The following SMAD3 variants were observed in gnomAD, a reference collection of about 807,000 sequenced individuals.
The protein encoded by SMAD3 is SMAD family member 3, also known as MAD homolog 3.
In SMAD3, 12 loss-of-function variants were observed where a neutral mutation model predicts 51.8. The observed-to-expected ratio is 0.23, with a 90% confidence interval of 0.15 to 0.38. The LOEUF is 0.38. Among genes scored for constraint, SMAD3 ranks in the 10% least tolerant of loss-of-function variants. The probability of loss-of-function intolerance (pLI) is 1.00; values close to 1 mark genes in which losing one functional copy is unlikely to be tolerated. For synonymous variants in SMAD3, 238 were observed against 227.7 expected (o/e 1.05, Z -0.41); for missense variants, 294 against 565.6 (o/e 0.52, Z 4.87).
Position 67,170,168 on chromosome 15 carries a change from T to A in SMAD3, c.608-386T>A, listed in dbSNP as rs544936131. ...CAGCTTGGGAGAAGGGCTTCCCTGCTCCTCTCATTTTCCTGAGGGCATAGT... is the reference window on the plus strand; with the variant it reads ...CAGCTTGGGAGAAGGGCTTCCCTGCACCTCTCATTTTCCTGAGGGCATAGT... On this transcript the variant is annotated intron_variant, in intron 4 of 8. Transcript: ENST00000327367. Among the ~76,000 whole-genome samples, 5 of 152,292 alleles carry A rather than the reference T, an allele frequency of 3.3e-5. 1 individual carries two copies. In the South Asian group the frequency reaches 1.0e-3, roughly 32 times the overall value.
chr15:67,125,531 C>G (rs978826023), intron 1 of SMAD3, among the ~76,000 whole-genome samples: 2 of 152,230 alleles, frequency 1.3e-5, no homozygotes, highest in African/African-American at 4.8e-5. Context: ...CCGGTGGGAA[C>G]AGAATGATAG....
chr15:67,127,306 G>C (rs28393936), intron 1 of SMAD3, among the ~76,000 whole-genome samples: 1 of 152,148 alleles, frequency 6.6e-6, no homozygotes, highest in African/African-American at 2.4e-5. Flanking sequence ...GCCTCCCCCT[G>C]TAAAAAAGGA....
chr15:67,183,062 G>A (rs1167017459), intron 6 of SMAD3, among the ~76,000 whole-genome samples: 2 of 107,964 alleles, frequency 1.9e-5, no homozygotes, highest in Admixed American at 1.1e-4. Flanking sequence ...GGAGCGGGGA[G>A]ACCAAGTCTC....
At chr15:67,164,863 C>G (rs762818552) in intron 1 of SMAD3, 32 bp from the exon 2 acceptor site, 1 of 1,609,106 alleles carries the variant, frequency 6.2e-7, no homozygotes, top group African/African-American at 1.3e-5. Flanking sequence ...ATCCACATTT[C>G]CCTCTCTTTC....
intron 1 of SMAD3, among the ~76,000 whole-genome samples, chr15:67,067,779 G>C (rs1959961236): frequency 6.6e-6 from 1 of 152,132 alleles, no homozygotes; most frequent in South Asian, 2.1e-4. Context: ...AAGTCTCTGG[G>C]CGTGTGATCG....
chr15:67,156,781 CA>C (rs1962293681), intron 1 of SMAD3, among the ~76,000 whole-genome samples: 1 of 131,996 alleles, frequency 7.6e-6, no homozygotes, highest in Non-Finnish European at 1.5e-5. Context: ...TTTCTGGGCC[CA>C]GCCTATGGGG....
intron 1 of SMAD3, among the ~76,000 whole-genome samples, chr15:67,163,760 G>A (rs1962493534): frequency 6.6e-6 from 1 of 151,990 alleles, no homozygotes; most frequent in African/African-American, 2.4e-5. Context: ...AGAAGACATG[G>A]TTCACACAGG....
rs112991343 is a variant in SMAD3, at chr15:67,166,190, G to A, written c.533-589G>A. 1.4e-3 allele frequency: 1,464 copies of A among 1,012,398 alleles called. 9 individuals carry two copies. Among genetic ancestry groups the A allele is most frequent in the African/African-American group, 0.013 (771 of 58,296 alleles). The allele number at this position is 1,012,398 out of a possible 1,614,324, so 62.7% of individuals were successfully genotyped here. A position where few individuals can be genotyped will look rare whatever the true frequency, so the allele number is the denominator to read the frequency against. On this transcript the variant is annotated intron_variant, in intron 3 of 8. Transcript: ENST00000327367. ...CCTTTGCGGGTAGCCCTGGCGTCCC[G>A]CGGGTAAGTCAACTACTCCCTGTTC...
intron 1 of SMAD3, among the ~76,000 whole-genome samples, chr15:67,126,659 C>T (rs1001195836): frequency 1.3e-5 from 2 of 152,204 alleles, no homozygotes; most frequent in Admixed American, 1.3e-4. Context: ...CCTTTCCTGT[C>T]TTGTCCACAC....
At chr15:67,158,986 C>CT (rs1361179988) in intron 1 of SMAD3, among the ~76,000 whole-genome samples, 2 of 152,108 alleles carry the variant, frequency 1.3e-5, no homozygotes, top group South Asian at 2.1e-4. Context: ...TCATATATCT[C>CT]TTTTTTTAAA....
chr15:67,129,273 T>C (rs554687790), intron 1 of SMAD3, among the ~76,000 whole-genome samples: 6 of 152,168 alleles, frequency 3.9e-5, no homozygotes, highest in Admixed American at 6.5e-5. Context: ...CTCAGGTTTG[T>C]TTAGCCTTCT....
intron 1 of SMAD3, among the ~76,000 whole-genome samples, chr15:67,099,654 A>G (rs181522793): frequency 1.5e-3 from 228 of 152,334 alleles, no homozygotes; most frequent in South Asian, 5.4e-3. Flanking sequence ...CCTCCAGCCT[A>G]TTGATTCCCA....
At chr15:67,179,855 A>G (rs1472528714) in intron 5 of SMAD3, among the ~76,000 whole-genome samples, 7 of 150,898 alleles carry the variant, frequency 4.6e-5, no homozygotes, top group Admixed American at 2.6e-4. Context: ...CTGAGGAGGA[A>G]CCCTCAGCCC....
rs1819011641 is a variant in SMAD3 at position 67,184,981 on chromosome 15, T to C, written c.1009+117T>C. On this transcript the variant is annotated intron_variant, in intron 7 of 8. Coordinates refer to ENST00000327367, the MANE Select transcript of SMAD3 (RefSeq NM_005902.4). ...TGCTCACTCATGATTGCGTTGTCAA[T>C]CTGGAGGTGATTGGATTAGGTTTTC... 8 of 1,337,136 alleles carry C rather than the reference T, an allele frequency of 6.0e-6. No homozygotes were observed. In the Admixed American group the frequency reaches 1.2e-4, roughly 21 times the overall value. The allele number at this position is 1,337,136 out of a possible 1,614,324, so 82.8% of individuals were successfully genotyped here.
intron 1 of SMAD3, among the ~76,000 whole-genome samples, chr15:67,073,150 T>G (rs1353032859): frequency 1.3e-5 from 2 of 152,214 alleles, no homozygotes; most frequent in Non-Finnish European, 2.9e-5. Context: ...CCCCAAGCTC[T>G]GCAGTTTATT....
At position 67,164,316 on chromosome 15, in the gene SMAD3, GAAAAAAAAAAA is replaced by G. The variant is rs59880604; in HGVS notation, c.207-560_207-550del. ...GGCAACAGAGCGAGACTCCGTCTCA[GAAAAAAAAAAA>G]AAAAAAAAAAAAAAAAAAGAGGAGG... On this transcript the variant is annotated intron_variant, in intron 1 of 8. Transcript: ENST00000327367. Among the ~76,000 whole-genome samples, 256 of 83,640 alleles carry G rather than the reference GAAAAAAAAAAA, an allele frequency of 3.1e-3. No individual in the cohort carries two copies. The East Asian group carries it at 0.033, about 11-fold the overall frequency. The allele number at this position is 83,640 out of a possible 152,430, so 54.9% of individuals were successfully genotyped here.
At chr15:67,126,543 C>T (rs1184836435) in intron 1 of SMAD3, among the ~76,000 whole-genome samples, 1 of 152,138 alleles carries the variant, frequency 6.6e-6, no homozygotes, top group East Asian at 1.9e-4. Context: ...TCCAACTTCC[C>T]CCTCAGACAT....
At chr15:67,181,584 C>T in intron 6 of SMAD3, 131 bp downstream of exon 6, 1 of 801,296 alleles carries the variant, frequency 1.2e-6, no homozygotes, top group East Asian at 2.7e-5. Context: ...CTGCCTCCTG[C>T]TGGGCATGGG....
chr15:67,098,995 G>C (rs1960686549), intron 1 of SMAD3: 1 of 702,424 alleles, frequency 1.4e-6, no homozygotes, highest in Non-Finnish European at 2.6e-6. Flanking sequence ...ACTGTGGACA[G>C]AGCGTATGTC....
Sources: gnomAD v4.1 joint callset for allele counts (sites outside exome capture counted in the v4.1 genomes callset) on GRCh38, gnomAD v4.1.1 for gene constraint, MANE v1.5 for transcripts, NCBI Gene and HGNC (gene_info 2026-07-23, HGNC 2026-07-21) for gene names.